The following MIPOL1 variants were observed in gnomAD, a reference collection of about 807,000 sequenced individuals.
The protein encoded by MIPOL1 is mirror-image polydactyly 1.
A neutral mutation model predicts 60.9 loss-of-function variants in MIPOL1; 57 were observed. The observed-to-expected ratio is 0.94, with a 90% CI of 0.76 to 1.17. The LOEUF is 1.17. Ranked by LOEUF, MIPOL1 falls within the 50% of genes most tolerant of loss-of-function variation. The probability of loss-of-function intolerance (pLI) is 0.00; values close to 1 mark genes in which losing one functional copy is unlikely to be tolerated. For missense variants in MIPOL1, 551 were observed against 511.6 expected (o/e 1.08, Z -0.74); for synonymous variants, 179 against 168.8 (o/e 1.06, Z -0.47).
chr14:37,485,709 T>A (rs536825692), intron 11 of MIPOL1, among the ~76,000 whole-genome samples: 1 of 152,050 alleles, frequency 6.6e-6, no homozygotes, highest in Non-Finnish European at 1.5e-5. Context: ...TTGTCTAAGT[T>A]CTTTGTAGGT....
intron 10 of MIPOL1, among the ~76,000 whole-genome samples, chr14:37,414,897 T>C (rs1453053026): frequency 6.6e-6 from 1 of 152,106 alleles, no homozygotes; most frequent in Non-Finnish European, 1.5e-5. Flanking sequence ...GAATGAACAC[T>C]TGCTGAATCA....
intron 10 of MIPOL1, among the ~76,000 whole-genome samples, chr14:37,371,719 C>G (rs890134804): frequency 6.6e-6 from 1 of 152,040 alleles, no homozygotes; most frequent in Non-Finnish European, 1.5e-5. Context: ...ATGAGAAGCT[C>G]TAAAGTTGTT....
At chr14:37,299,329 A>T (rs921317991) in intron 7 of MIPOL1, among the ~76,000 whole-genome samples, 3 of 152,062 alleles carry the variant, frequency 2.0e-5, no homozygotes, top group Admixed American at 2.0e-4. Context: ...TAGGAGATAT[A>T]CCTAATGCTA....
At chr14:37,521,703 G>GT (rs2095413871) in intron 12 of MIPOL1, among the ~76,000 whole-genome samples, 1 of 151,870 alleles carries the variant, frequency 6.6e-6, no homozygotes, top group Admixed American at 6.6e-5. Flanking sequence ...ATCTCTTCCA[G>GT]TACTCCACTT....
intron 12 of MIPOL1, among the ~76,000 whole-genome samples, chr14:37,528,755 C>CT (rs1174007053): frequency 6.6e-5 from 10 of 152,038 alleles, no homozygotes; most frequent in East Asian, 1.9e-4. Flanking sequence ...TTTAAATATG[C>CT]TTTTTTTATA....
chr14:37,467,236 A>G (rs1175733949), intron 11 of MIPOL1, among the ~76,000 whole-genome samples: 1 of 152,214 alleles, frequency 6.6e-6, no homozygotes, highest in Non-Finnish European at 1.5e-5. Flanking sequence ...GACTTTGTTC[A>G]ACTGTTCAAT....
intron 1 of MIPOL1, among the ~76,000 whole-genome samples, chr14:37,241,675 T>G (rs1386869804): frequency 1.3e-5 from 2 of 152,064 alleles, no homozygotes; most frequent in African/African-American, 4.8e-5. Flanking sequence ...TTTTGAACAC[T>G]GAAGCATAAA....
intron 9 of MIPOL1, among the ~76,000 whole-genome samples, chr14:37,329,905 A>G (rs977050188): frequency 6.6e-6 from 1 of 152,168 alleles, no homozygotes; most frequent in Non-Finnish European, 1.5e-5. Context: ...ACTCATTACA[A>G]TGGTATTATT....
At chr14:37,241,186 A>G (rs1415564247) in intron 1 of MIPOL1, among the ~76,000 whole-genome samples, 9 of 152,086 alleles carry the variant, frequency 5.9e-5, no homozygotes, top group African/African-American at 1.4e-4. Context: ...GCAGTAAAGG[A>G]CTGATGTCCC....
At chr14:37,365,056 A>G (rs962161349) in intron 9 of MIPOL1, among the ~76,000 whole-genome samples, 1 of 152,174 alleles carries the variant, frequency 6.6e-6, no homozygotes, top group Non-Finnish European at 1.5e-5. Context: ...TTGATTTTGT[A>G]TCCTGCAACC....
intron 10 of MIPOL1, among the ~76,000 whole-genome samples, chr14:37,402,098 A>G (rs562151501): frequency 1.3e-5 from 2 of 152,212 alleles, no homozygotes; most frequent in East Asian, 3.9e-4. Flanking sequence ...AAGAGAATGA[A>G]TTTTCTTATT....
chr14:37,296,849 G>A (rs1051756268), intron 7 of MIPOL1, among the ~76,000 whole-genome samples: 1 of 152,120 alleles, frequency 6.6e-6, no homozygotes, highest in African/African-American at 2.4e-5. Flanking sequence ...GGACCAGATG[G>A]ATTCACAGCC....
chr14:37,538,929 G>A (rs1191448399), intron 12 of MIPOL1, among the ~76,000 whole-genome samples: 3 of 151,730 alleles, frequency 2.0e-5, no homozygotes, highest in Non-Finnish European at 4.4e-5. Flanking sequence ...CCCAGCTGAC[G>A]CGGTGGCTCA....
At chr14:37,211,602 A>T (rs936847913) in intron 1 of MIPOL1, among the ~76,000 whole-genome samples, 17 of 152,116 alleles carry the variant, frequency 1.1e-4, no homozygotes, top group African/African-American at 3.9e-4. Context: ...GGTCTGCAGC[A>T]CTCTATGTCT....
At chr14:37,270,152 A>G (rs1338721607) in intron 5 of MIPOL1, among the ~76,000 whole-genome samples, 2 of 152,076 alleles carry the variant, frequency 1.3e-5, no homozygotes, top group Non-Finnish European at 2.9e-5. Flanking sequence ...TTTAAGAATA[A>G]TGTTGGTCCT....
chr14:37,308,226 T>C, intron 8 of MIPOL1, 123 bp from the exon 9 acceptor site: 2 of 1,183,926 alleles, frequency 1.7e-6, no homozygotes. Context: ...TTTGCTGCAA[T>C]ATGAAAATTC....
At chr14:37,285,592 T>C in intron 7 of MIPOL1, 145 bp downstream of exon 7, 1 of 831,366 alleles carries the variant, frequency 1.2e-6, no homozygotes, top group South Asian at 2.5e-5. Context: ...TCTTTTTTTC[T>C]TTTCTTTTTT....
chr14:37,201,414 A>T (rs565765482), intron 1 of MIPOL1, among the ~76,000 whole-genome samples: 1 of 152,350 alleles, frequency 6.6e-6, no homozygotes, highest in East Asian at 1.9e-4. Context: ...AAGAAGAGAC[A>T]GTCTTTCTTT....
chr14:37,231,613 T>G (rs1324980028), intron 1 of MIPOL1, among the ~76,000 whole-genome samples: 3 of 152,182 alleles, frequency 2.0e-5, no homozygotes, highest in African/African-American at 2.4e-5. Flanking sequence ...CAAACCTGTT[T>G]ATGCTAATTG....
Sources: allele counts gnomAD v4.1 joint callset (sites outside exome capture counted in the v4.1 genomes callset), GRCh38; gene constraint gnomAD v4.1.1; transcripts MANE v1.5; gene names NCBI Gene and HGNC (gene_info 2026-07-23, HGNC 2026-07-21).